The following LARP6 variants were observed in gnomAD, a reference collection of about 807,000 sequenced individuals.
LARP6 encodes la-related protein 6.
In LARP6, 18 loss-of-function variants were observed where a neutral mutation model predicts 32.8. That is an observed-to-expected ratio of 0.55 (90% CI 0.38 to 0.81). The LOEUF is 0.81. Ranked by LOEUF, LARP6 falls within the 40% of genes least tolerant of loss-of-function variation. LARP6 has a pLI of 0.00. For missense variants in LARP6, 598 were observed against 663.1 expected, an observed-to-expected ratio of 0.90 and a Z score of 1.08; for synonymous variants, 289 against 267.2, an observed-to-expected ratio of 1.08 and a Z score of -0.80.
rs764088193 is a variant in LARP6 at position 70,832,059 on chromosome 15, C to T, written c.1469G>A (p.Cys490Tyr). The change falls in exon 3 of 3, where the codon TGT becomes TAT. Residue 490 changes from cysteine to tyrosine, a missense_variant. Physicochemically the swap from Cys to Tyr is radical, Grantham distance 194. Coordinates refer to ENST00000299213, the MANE Select transcript of LARP6 (RefSeq NM_018357.4). Reference protein sequence around the residue: ...GFHGHERSRACV With the variant: ...GFHGHERSRAYV ...ATTAAAAATAGAAGGTATTTATACA[C>T]AGGCCCTGCTCCTCTCATGGCCATG... The T allele has an allele frequency of 4.0e-6, 6 of 1,506,194 alleles. No individual in the cohort carries two copies. Among genetic ancestry groups the T allele is most frequent in the Non-Finnish European group, 5.3e-6 (6 of 1,126,932 alleles). 93.3% of individuals were successfully genotyped at this position (1,506,194 alleles called of 1,614,324 possible). A position where few individuals can be genotyped will look rare whatever the true frequency, so the allele number is the denominator to read the frequency against.
intron 1 of LARP6, among the ~76,000 whole-genome samples, chr15:70,846,783 A>C (rs1245483074): frequency 6.6e-6 from 1 of 152,114 alleles, no homozygotes; most frequent in Non-Finnish European, 1.5e-5. Flanking sequence ...AGAAAGACAT[A>C]GTTATCTGTA....
rs1222922161 is a variant in LARP6 at position 70,831,140 on chromosome 15, T to G, written c.*912A>C. On this transcript the variant is annotated 3_prime_UTR_variant, in exon 3 of 3. Coordinates refer to ENST00000299213, the MANE Select transcript of LARP6 (RefSeq NM_018357.4). ...CTTTCTAATTCAGTGGGCCTAGGGT[T>G]GGCCTGAGAATCTGGATTTCTAATA... 6.6e-6 allele frequency: 1 copy of G among 152,270 alleles called. No individual in the cohort carries two copies. Among genetic ancestry groups the G allele is most frequent in the Non-Finnish European group, 1.5e-5 (1 of 68,072 alleles). The allele number at this position is 152,270 out of a possible 1,614,324, so 9.4% of individuals were successfully genotyped here.
chr15:70,834,072 C>T (rs1023867648), intron 2 of LARP6, among the ~76,000 whole-genome samples: 5 of 152,122 alleles, frequency 3.3e-5, no homozygotes, highest in Non-Finnish European at 4.4e-5. Flanking sequence ...CCCGTAATGG[C>T]GAGATCCCCC....
At chr15:70,841,713 C>G (rs2032262643) in intron 1 of LARP6, among the ~76,000 whole-genome samples, 1 of 152,094 alleles carries the variant, frequency 6.6e-6, no homozygotes, top group Admixed American at 6.5e-5. Flanking sequence ...TCTCTTGCTC[C>G]TGTTTCTGTG....
chr15:70,848,718 C>T (rs1322526715), intron 1 of LARP6, among the ~76,000 whole-genome samples: 1 of 151,548 alleles, frequency 6.6e-6, no homozygotes, highest in Non-Finnish European at 1.5e-5. Flanking sequence ...GGTGACAGAG[C>T]AGGACTCTGT....
chr15:70,833,691 A>G (rs2032097043), intron 2 of LARP6, among the ~76,000 whole-genome samples: 1 of 152,222 alleles, frequency 6.6e-6, no homozygotes, highest in African/African-American at 2.4e-5. Flanking sequence ...CCAATATTAC[A>G]TGCTATTATT....
At chr15:70,851,652 G>C in intron 1 of LARP6, 1 of 1,613,936 alleles carries the variant, frequency 6.2e-7, no homozygotes, top group Non-Finnish European at 8.5e-7. Context: ...TGTGCTGGGT[G>C]CTGTGCTAGG....
In LARP6 at chr15:70,844,359, T is replaced by C. The variant is rs1048774241; in HGVS notation, c.201-7854A>G. Among the ~76,000 whole-genome samples the C allele has an allele frequency of 8.7e-4, 132 of 152,208 alleles. 1 individual carries two copies. Among genetic ancestry groups the C allele is most frequent in the African/African-American group, 3.1e-3 (129 of 41,450 alleles). Reference sequence around the variant, plus strand: ...CTACGTGATATATTAATACACACTATTGTCCTACTCTCTCTTCCATCTCAC... The same window carrying C: ...CTACGTGATATATTAATACACACTACTGTCCTACTCTCTCTTCCATCTCAC... On this transcript the variant is annotated intron_variant, in intron 1 of 2. Transcript: ENST00000299213.
chr15:70,837,695 T>C (rs1275715055), intron 1 of LARP6, among the ~76,000 whole-genome samples: 1 of 152,174 alleles, frequency 6.6e-6, no homozygotes, highest in Non-Finnish European at 1.5e-5. Context: ...GCAATCTCCA[T>C]GTGGATACAT....
Position 70,836,418 on chromosome 15 carries a change from C to T in LARP6, c.288G>A (p.Leu96=), listed in dbSNP as rs753751147. 2.5e-6 allele frequency: 4 copies of T among 1,614,006 alleles called. No homozygotes were observed. The highest frequency in any genetic ancestry group is 3.4e-6 in the Non-Finnish European group (4 of 1,180,018). Residue 96 remains leucine, a synonymous_variant, in exon 2 of 3, where the codon CTG becomes CTA. Coordinates refer to ENST00000299213, the MANE Select transcript of LARP6 (RefSeq NM_018357.4). ...KPPDEELIKK[L]VDQIEFYFSD... Reference sequence around the variant, plus strand: ...AAAAGTAGAATTCGATCTGATCCACCAGTTTCTTGATCAACTCCTCATCCG... The same window carrying T: ...AAAAGTAGAATTCGATCTGATCCACTAGTTTCTTGATCAACTCCTCATCCG...
Position 70,836,518 on chromosome 15 carries a change from G to A in LARP6, c.201-13C>T, listed in dbSNP as rs982119454. On this transcript the variant is annotated splice_polypyrimidine_tract_variant and intron_variant, in intron 1 of 2. Coordinates refer to ENST00000299213, the MANE Select transcript of LARP6 (RefSeq NM_018357.4). ...TGCAGTGGTGCCACTGAGACCAGAA[G>A]GAGACACCGGGTGTTAGGGTCAACG... is the stretch of plus-strand genomic sequence containing the variant. 10 of 1,610,174 alleles carry A rather than the reference G, an allele frequency of 6.2e-6. No individual in the cohort carries two copies. The highest frequency in any genetic ancestry group is 8.5e-6 in the Non-Finnish European group (10 of 1,176,482).
Position 70,853,959 on chromosome 15 carries a change from C to A in LARP6, c.130G>T (p.Gly44Trp). 1.4e-6 allele frequency: 2 copies of A among 1,454,152 alleles called. No homozygotes were observed. The highest frequency in any genetic ancestry group is 9.1e-7 in the Non-Finnish European group (1 of 1,098,246). The allele number at this position is 1,454,152 out of a possible 1,614,324, so 90.1% of individuals were successfully genotyped here. Residue 44 changes from glycine to tryptophan, a missense_variant, in exon 1 of 3, where the codon GGG (glycine) becomes TGG (tryptophan). By Grantham distance (184) the Gly-to-Trp change is radical. This residue lies in a region of LARP6 where 161 missense variants were observed against 148.6 expected (regional missense o/e 1.08). Coordinates refer to ENST00000299213, the MANE Select transcript of LARP6 (RefSeq NM_018357.4). ...GGGCTGAGGTACCGGGCCGGGTCCC[C>A]GGCGCCCCGAGTCTCCGCCCCCTCC... is the stretch of plus-strand genomic sequence containing the variant. ...EEEGAETRGA[G>W]DPARYLSPGW...
At position 70,850,559 on chromosome 15, in the gene LARP6, T is replaced by C. The variant is rs549886864; in HGVS notation, c.200+3330A>G. Among the ~76,000 whole-genome samples, 6 of 152,324 alleles carry C rather than the reference T, an allele frequency of 3.9e-5. No homozygotes were observed. In the East Asian group the frequency reaches 1.2e-3, roughly 29 times the overall value. ...ATCTACATATGCAAATCAATAAGTG[T>C]GATACATCAACAGAACCCAGGATGA... On this transcript the variant is annotated intron_variant, in intron 1 of 2. Coordinates refer to ENST00000299213, the MANE Select transcript of LARP6 (RefSeq NM_018357.4).
intron 1 of LARP6, chr15:70,851,615 A>G (rs1235276833): frequency 6.2e-7 from 1 of 1,607,776 alleles, no homozygotes. Flanking sequence ...TGATAGAGAT[A>G]CGCATTCAGT....
chr15:70,847,517 G>C (rs758901929), intron 1 of LARP6, among the ~76,000 whole-genome samples: 17 of 152,036 alleles, frequency 1.1e-4, no homozygotes, highest in African/African-American at 4.1e-4. Flanking sequence ...CTACAGGTGC[G>C]CACCACCATG....
chr15:70,843,237 T>C (rs1374588772), intron 1 of LARP6, among the ~76,000 whole-genome samples: 2 of 152,214 alleles, frequency 1.3e-5, no homozygotes, highest in African/African-American at 4.8e-5. Context: ...GGGTCTCCCA[T>C]CTGTTCTCTC....
chr15:70,853,499 A>G, intron 1 of LARP6: 1 of 161,404 alleles, frequency 6.2e-6, no homozygotes, highest in Non-Finnish European at 1.3e-5. Context: ...AGGGGAGGGG[A>G]AGGCGGGTAG....
chr15:70,839,159 G>C lies in LARP6; in HGVS notation c.201-2654C>G, dbSNP rs117566218. Among the ~76,000 whole-genome samples the C allele has an allele frequency of 5.1e-3, 782 of 152,236 alleles. 4 individuals are homozygous for C. The highest frequency in any genetic ancestry group is 9.1e-3 in the Non-Finnish European group (618 of 68,014). ...CTCAAGGTAAATGTAGAGTGAAGAAGCCTGGCACGGTGGCTCACACCTATA... is the reference window on the plus strand; with the variant it reads ...CTCAAGGTAAATGTAGAGTGAAGAACCCTGGCACGGTGGCTCACACCTATA... On this transcript the variant is annotated intron_variant, in intron 1 of 2. Coordinates refer to ENST00000299213, the MANE Select transcript of LARP6 (RefSeq NM_018357.4).
rs2141047896 is a variant in LARP6, at chr15:70,832,368, G to A, written c.1160C>T (p.Ala387Val). The A allele has an allele frequency of 6.2e-7, 1 of 1,613,694 alleles. No homozygotes were observed. The highest frequency in any genetic ancestry group is 1.1e-5 in the South Asian group (1 of 90,994). Reference sequence around the variant, plus strand: ...CTTTCTGGAAACGCCTTTGCGTTGGGCCAAGGGGCTGCTCCAAGGACTTGT... The same window carrying A: ...CTTTCTGGAAACGCCTTTGCGTTGGACCAAGGGGCTGCTCCAAGGACTTGT... Reference protein sequence around the residue: ...PCTSPWSSPLAQRKGVSRKSP... With the variant: ...PCTSPWSSPLVQRKGVSRKSP... Residue 387 changes from alanine (A) to valine (V), a missense_variant, in exon 3 of 3, where the codon GCC (alanine) becomes GTC (valine). By Grantham distance (64) the Ala-to-Val change is moderately conservative (BLOSUM62 0). Coordinates refer to ENST00000299213, the MANE Select transcript of LARP6 (RefSeq NM_018357.4).
Sources: gnomAD v4.1 joint callset for allele counts (sites outside exome capture counted in the v4.1 genomes callset) on GRCh38, gnomAD v4.1.1 for gene constraint, gnomAD v4.1.1 regional missense constraint, MANE v1.5 for transcripts, NCBI Gene and HGNC (gene_info 2026-07-23, HGNC 2026-07-21) for gene names.